Variants in DIP2C observed in about 807,000 individuals in gnomAD.
The protein encoded by DIP2C is disco-interacting protein 2 homolog C.
DIP2C carries 33 observed loss-of-function variants against 192.4 expected under a neutral mutation model. That is an observed-to-expected ratio of 0.17 (90% CI 0.13 to 0.23). The LOEUF (loss-of-function observed/expected upper bound fraction) is 0.23, where lower values mean the gene tolerates loss of function less well. DIP2C is among the 10% of genes least tolerant of loss of function. DIP2C has a pLI of 1.00. For synonymous variants in DIP2C, 979 were observed against 864.1 expected, an observed-to-expected ratio of 1.13 and a Z score of -2.33; for missense variants, 1,537 against 2,110.1, an observed-to-expected ratio of 0.73 and a Z score of 5.32.
At chr10:505,077 C>A (rs1217567328) in intron 1 of DIP2C, among the ~76,000 whole-genome samples, 1 of 152,204 alleles carries the variant, frequency 6.6e-6, no homozygotes, top group Non-Finnish European at 1.5e-5. Context: ...TGTCCACACC[C>A]ATATTACTGC....
chr10:671,037 C>T (rs1003451903), intron 1 of DIP2C, among the ~76,000 whole-genome samples: 21 of 152,222 alleles, frequency 1.4e-4, no homozygotes, highest in Non-Finnish European at 2.8e-4. Context: ...GGGATCTGCC[C>T]CGAGGCCGCT....
intron 3 of DIP2C, among the ~76,000 whole-genome samples, chr10:452,010 C>G (rs896535729): frequency 6.6e-6 from 1 of 152,062 alleles, no homozygotes; most frequent in African/African-American, 2.4e-5. Context: ...ACAAGGAGAC[C>G]AGCACACCCA....
intron 29 of DIP2C, among the ~76,000 whole-genome samples, chr10:330,199 ATTAAAG>A (rs1957440986): frequency 6.6e-6 from 1 of 152,234 alleles, no homozygotes; most frequent in South Asian, 2.1e-4. Context: ...AATTATGGTA[ATTAAAG>A]TTAGTCACTC....
intron 1 of DIP2C, among the ~76,000 whole-genome samples, chr10:537,575 C>G (rs1210447957): frequency 2.0e-5 from 3 of 152,080 alleles, no homozygotes; most frequent in Non-Finnish European, 2.9e-5. Context: ...GTCCCCCTCC[C>G]CCGCACACTT....
intron 6 of DIP2C, among the ~76,000 whole-genome samples, chr10:416,936 A>G (rs1198085496): frequency 6.6e-6 from 1 of 152,220 alleles, no homozygotes; most frequent in African/African-American, 2.4e-5. Context: ...AACAGACTTC[A>G]ACATTTGCGG....
intron 3 of DIP2C, among the ~76,000 whole-genome samples, chr10:459,269 G>C (rs1969556615): frequency 6.6e-6 from 1 of 151,904 alleles, no homozygotes. Context: ...GTCAACAGGA[G>C]ACATGGCCGT....
chr10:593,823 T>C (rs911279552), intron 1 of DIP2C, among the ~76,000 whole-genome samples: 1 of 152,132 alleles, frequency 6.6e-6, no homozygotes, highest in Non-Finnish European at 1.5e-5. Context: ...GGAGAGCTTG[T>C]CTCACTCACC....
At chr10:375,820 T>C (rs1961502572) in intron 17 of DIP2C, among the ~76,000 whole-genome samples, 1 of 152,192 alleles carries the variant, frequency 6.6e-6, no homozygotes, top group African/African-American at 2.4e-5. Context: ...ACAGCTTCAG[T>C]GCCGCTCATC....
intron 9 of DIP2C, among the ~76,000 whole-genome samples, chr10:406,158 T>C (rs914623890): frequency 5.9e-5 from 9 of 152,248 alleles, no homozygotes. Flanking sequence ...TGAAAGAATT[T>C]TTAAAACAAC....
rs376226263 is a variant in DIP2C, at chr10:341,449, C to T, written c.3454-120G>A. 4,157 of 1,405,308 alleles carry T rather than the reference C, an allele frequency of 3.0e-3. 33 individuals are homozygous for T. Among genetic ancestry groups the T allele is most frequent in the South Asian group, 6.5e-3 (519 of 80,260 alleles). 87.1% of individuals were successfully genotyped at this position (1,405,308 alleles called of 1,614,324 possible). A position where few individuals can be genotyped will look rare whatever the true frequency, so the allele number is the denominator to read the frequency against. ...ACGCATCGGACCTGACACCCTCAGA[C>T]ACCCGGGACAATACGGGGCTGCACT... On this transcript the variant is annotated intron_variant, in intron 28 of 36. Transcript: ENST00000280886.
chr10:399,359 G>GT (rs1964234541), intron 9 of DIP2C, 140 bp from the exon 10 acceptor site: 1 of 630,388 alleles, frequency 1.6e-6, no homozygotes, highest in African/African-American at 1.8e-5. Context: ...AGTAAGCTGT[G>GT]TTTTAATAAG....
intron 1 of DIP2C, among the ~76,000 whole-genome samples, chr10:506,022 G>A (rs953024583): frequency 1.3e-5 from 2 of 152,100 alleles, no homozygotes; most frequent in Non-Finnish European, 2.9e-5. Flanking sequence ...AAAGGAGGTT[G>A]TGACATCTAC....
At chr10:476,337 G>T (rs2133468037) in intron 2 of DIP2C, among the ~76,000 whole-genome samples, 1 of 152,312 alleles carries the variant, frequency 6.6e-6, no homozygotes, top group South Asian at 2.1e-4. Flanking sequence ...CATGCCTGCG[G>T]TCGTGGCCCC....
At chr10:456,443 G>A (rs888446423) in intron 3 of DIP2C, among the ~76,000 whole-genome samples, 1 of 127,274 alleles carries the variant, frequency 7.9e-6, no homozygotes, top group Non-Finnish European at 1.5e-5. Context: ...ACACTCTGCA[G>A]TGAGTCCCTG....
At chr10:578,755 TAC>T (rs1437286501) in intron 1 of DIP2C, among the ~76,000 whole-genome samples, 2 of 151,970 alleles carry the variant, frequency 1.3e-5, no homozygotes, top group Non-Finnish European at 2.9e-5. Flanking sequence ...ATGCATAGTG[TAC>T]ACACATCCAA....
rs963138667 is a variant in DIP2C, at chr10:276,886, G to C, written c.*439C>G. 1 of 161,178 alleles carries C rather than the reference G, an allele frequency of 6.2e-6. No individual in the cohort carries two copies. The highest frequency in any genetic ancestry group is 2.4e-5 in the African/African-American group (1 of 41,506). The allele number at this position is 161,178 out of a possible 1,614,324, so 10.0% of individuals were successfully genotyped here. A position where few individuals can be genotyped will look rare whatever the true frequency, so the allele number is the denominator to read the frequency against. On this transcript the variant is annotated 3_prime_UTR_variant, in exon 37 of 37. Transcript: ENST00000280886. ...ATTAGTAACAGATCCATGTCATTAA[G>C]ATTTCATGACACATTAAAACAGAGA...
chr10:681,586 C>T (rs770482661), intron 1 of DIP2C, among the ~76,000 whole-genome samples: 5 of 149,974 alleles, frequency 3.3e-5, no homozygotes, highest in East Asian at 2.0e-4. Flanking sequence ...TTCCAGGGAA[C>T]ACAGACCCTT....
At chr10:532,407 C>T (rs908100027) in intron 1 of DIP2C, among the ~76,000 whole-genome samples, 6 of 152,182 alleles carry the variant, frequency 3.9e-5, no homozygotes, top group African/African-American at 9.7e-5. Context: ...CAAAACTGGC[C>T]GCTGCATTTT....
intron 1 of DIP2C, among the ~76,000 whole-genome samples, chr10:531,647 T>C (rs1340054381): frequency 6.6e-6 from 1 of 152,024 alleles, no homozygotes; most frequent in Non-Finnish European, 1.5e-5. Context: ...ACCCACACCA[T>C]AGGGCCCTCT....
Sources: allele counts gnomAD v4.1 joint callset (sites outside exome capture counted in the v4.1 genomes callset), GRCh38; gene constraint gnomAD v4.1.1; transcripts MANE v1.5; gene names NCBI Gene and HGNC (gene_info 2026-07-23, HGNC 2026-07-21).